The following C1QTNF7 variants were observed in gnomAD, a reference collection of about 807,000 sequenced individuals.
C1QTNF7 encodes the protein complement C1q tumor necrosis factor-related protein 7.
In C1QTNF7, 15 loss-of-function variants were observed where a neutral mutation model predicts 19.6. That is an observed-to-expected ratio of 0.76 (90% confidence interval 0.51 to 1.18). The LOEUF is 1.18. C1QTNF7 is among the 50% of genes most tolerant of loss of function. The probability of loss-of-function intolerance (pLI) is 0.00; values close to 1 mark genes in which losing one functional copy is unlikely to be tolerated. For synonymous variants in C1QTNF7, 142 were observed against 137.5 expected, an observed-to-expected ratio of 1.03 and a Z score of -0.23; for missense variants, 324 against 359.7, an observed-to-expected ratio of 0.90 and a Z score of 0.80.
At chr4:15,400,755 A>G (rs1718957522) in intron 1 of C1QTNF7, among the ~76,000 whole-genome samples, 1 of 152,204 alleles carries the variant, frequency 6.6e-6, no homozygotes, top group African/African-American at 2.4e-5. Flanking sequence ...CCCAAATCTC[A>G]GTGGCTTCAA....
At position 15,411,816 on chromosome 4, in the gene C1QTNF7, G is replaced by T. The variant is rs142826446; in HGVS notation, c.14-23920G>T. 7.1e-3 allele frequency among the ~76,000 whole-genome samples: 1,088 copies of T among 152,200 alleles called. 19 individuals carry two copies. Among genetic ancestry groups the T allele is most frequent in the African/African-American group, 0.025 (1,050 of 41,518 alleles). On this transcript the variant is annotated intron_variant, in intron 1 of 2. Coordinates refer to the C1QTNF7 transcript ENST00000295297. The stretch of plus-strand genomic sequence containing the variant: ...GGCTTCCAGGGCTACATTCCTCTTG[G>T]ATGCTCTGGGGGAAAAGCTGTTTCC...
At chr4:15,440,406 CTTTTT>C (rs58931762) in intron 2 of C1QTNF7, among the ~76,000 whole-genome samples, 1 of 136,626 alleles carries the variant, frequency 7.3e-6, no homozygotes, top group Admixed American at 7.2e-5. Context: ...ACAGAAGCAA[CTTTTT>C]TTTTTTTTTT....
At chr4:15,405,952 C>G (rs13114788) in intron 1 of C1QTNF7, among the ~76,000 whole-genome samples, 3 of 152,078 alleles carry the variant, frequency 2.0e-5, no homozygotes, top group African/African-American at 2.4e-5. Context: ...GCTTGTCCCC[C>G]CCAGACTCAC....
At chr4:15,435,185 T>C (rs1712477216) in intron 1 of C1QTNF7, among the ~76,000 whole-genome samples, 1 of 152,208 alleles carries the variant, frequency 6.6e-6, no homozygotes, top group African/African-American at 2.4e-5. Context: ...AAGCAATTAT[T>C]TTTTAATGTC....
At chr4:15,409,190 T>A (rs907903780) in intron 1 of C1QTNF7, among the ~76,000 whole-genome samples, 34 of 152,368 alleles carry the variant, frequency 2.2e-4, no homozygotes, top group African/African-American at 7.5e-4. Flanking sequence ...CAAACATCTA[T>A]CTTTTTAAAA....
intron 2 of C1QTNF7, among the ~76,000 whole-genome samples, chr4:15,440,067 C>T (rs974853339): frequency 4.0e-5 from 6 of 151,790 alleles, no homozygotes; most frequent in East Asian, 1.9e-4. Flanking sequence ...ATAAATTAAA[C>T]TGATTTTGCT....
chr4:15,428,466 T>TA (rs1712152959), intron 1 of C1QTNF7, among the ~76,000 whole-genome samples: 1 of 151,876 alleles, frequency 6.6e-6, no homozygotes, highest in South Asian at 2.1e-4. Context: ...CAATAATAAA[T>TA]ATTGATGAAT....
rs145400163 is a variant in C1QTNF7 at position 15,392,779 on chromosome 4, G to A, written c.14-42957G>A. On this transcript the variant is annotated intron_variant, in intron 1 of 2. Coordinates refer to the C1QTNF7 transcript ENST00000295297. ...CACCAATAATTATGATATAGAAAGG[G>A]GCAACATGGGATTTTCAAAAGACAT... Among the ~76,000 whole-genome samples the A allele has an allele frequency of 3.6e-3, 548 of 152,218 alleles. 3 individuals carry two copies. Among genetic ancestry groups the A allele is most frequent in the African/African-American group, 0.013 (527 of 41,524 alleles).
Position 15,442,502 on chromosome 4 carries a change from G to A in C1QTNF7, c.573G>A (p.Gly191=), listed in dbSNP as rs766263088. 7 of 1,614,054 alleles carry A rather than the reference G, an allele frequency of 4.3e-6. No homozygotes were observed. The highest frequency in any genetic ancestry group is 1.7e-6 in the Non-Finnish European group (2 of 1,180,042). The part of the protein sequence containing the change: ...ATGKFICAFP[G]IYYFSYDITL... ...GGAAGTTCATCTGTGCTTTCCCAGG[G>A]ATCTATTACTTTTCTTATGATATCA... Residue 191 remains glycine, a synonymous_variant, in exon 3 of 3, where the codon GGG becomes GGA. Coordinates refer to ENST00000444304, the MANE Select transcript of C1QTNF7 (RefSeq NM_031911.5).
At chr4:15,387,616 G>A (rs184366389) in intron 1 of C1QTNF7, among the ~76,000 whole-genome samples, 36 of 152,236 alleles carry the variant, frequency 2.4e-4, no homozygotes, top group African/African-American at 8.4e-4. Flanking sequence ...GAAGCCTGAT[G>A]GGGTGGCTTT....
chr4:15,403,494 T>A (rs1378551150), intron 1 of C1QTNF7, among the ~76,000 whole-genome samples: 1 of 152,184 alleles, frequency 6.6e-6, no homozygotes, highest in East Asian at 1.9e-4. Flanking sequence ...CTACAGGCAA[T>A]CCTTGGGGTT....
intron 1 of C1QTNF7, among the ~76,000 whole-genome samples, chr4:15,360,181 G>A (rs1717287497): frequency 1.3e-5 from 2 of 151,398 alleles, no homozygotes; most frequent in African/African-American, 4.9e-5. Context: ...TTGGGATTAG[G>A]TTGGGAGACC....
intron 1 of C1QTNF7, among the ~76,000 whole-genome samples, chr4:15,415,697 TCCTCCCACTCTGG>T (rs1261892221): frequency 2.0e-5 from 3 of 151,750 alleles, no homozygotes; most frequent in Non-Finnish European, 4.4e-5. Flanking sequence ...GCTCAAGCGA[TCCTCCCACTCTGG>T]CCTCCCAAAT....
intron 1 of C1QTNF7, among the ~76,000 whole-genome samples, chr4:15,371,669 C>T (rs781646900): frequency 6.6e-6 from 1 of 151,896 alleles, no homozygotes; most frequent in Non-Finnish European, 1.5e-5. Context: ...GAGAATATAG[C>T]GAGGAAGAGC....
At chr4:15,439,917 T>C (rs1308181861) in intron 2 of C1QTNF7, among the ~76,000 whole-genome samples, 4 of 151,704 alleles carry the variant, frequency 2.6e-5, no homozygotes, top group African/African-American at 4.8e-5. Context: ...TATAAATCAA[T>C]GTCTTATATA....
chr4:15,367,976 T>A (rs1286681472), intron 1 of C1QTNF7, among the ~76,000 whole-genome samples: 3 of 152,196 alleles, frequency 2.0e-5, no homozygotes, highest in Non-Finnish European at 4.4e-5. Flanking sequence ...TACACACCCA[T>A]GAAGTCACTG....
intron 1 of C1QTNF7, among the ~76,000 whole-genome samples, chr4:15,396,972 A>G (rs940084380): frequency 1.3e-5 from 2 of 152,204 alleles, no homozygotes; most frequent in African/African-American, 4.8e-5. Flanking sequence ...ATACAGTTCT[A>G]CGTGCCTGGG....
At chr4:15,360,800 G>A (rs1300365048) in intron 1 of C1QTNF7, among the ~76,000 whole-genome samples, 2 of 152,164 alleles carry the variant, frequency 1.3e-5, no homozygotes, top group Non-Finnish European at 2.9e-5. Flanking sequence ...TTAGCAAGTA[G>A]ATGAATTTGC....
In C1QTNF7 at chr4:15,343,714, A is replaced by G. The variant is rs556285525; in HGVS notation, c.13+3507A>G. ...TATAAGAGAATTCACAGTGAGTGGGAATTCAAAGAAGACAAGACCACAGGT... is the reference window on the plus strand; with the variant it reads ...TATAAGAGAATTCACAGTGAGTGGGGATTCAAAGAAGACAAGACCACAGGT... On this transcript the variant is annotated intron_variant, in intron 1 of 2. Coordinates refer to the C1QTNF7 transcript ENST00000295297. Among the ~76,000 whole-genome samples the G allele has an allele frequency of 1.2e-4, 19 of 152,332 alleles. 1 individual carries two copies. In the South Asian group the frequency reaches 3.9e-3, roughly 32 times the overall value.
Sources: allele counts gnomAD v4.1 joint callset (sites outside exome capture counted in the v4.1 genomes callset), GRCh38; gene constraint gnomAD v4.1.1; transcripts MANE v1.5; gene names NCBI Gene and HGNC (gene_info 2026-07-23, HGNC 2026-07-21).